A1CF: variants seen among roughly 807,000 people sequenced by gnomAD.
The protein encoded by A1CF is APOBEC-1 stimulating protein.
A1CF carries 48 observed loss-of-function variants against 68.9 expected under a neutral mutation model. The ratio of observed to expected loss-of-function variants is 0.70; its 90% confidence interval spans 0.55 to 0.89. A1CF has a LOEUF of 0.89. Among genes scored for constraint, A1CF ranks in the 40% least tolerant of loss-of-function variants. The pLI is 0.00. For synonymous variants in A1CF, 272 were observed against 260.4 expected, an observed-to-expected ratio of 1.04 and a Z score of -0.43; for missense variants, 653 against 718.9, an observed-to-expected ratio of 0.91 and a Z score of 1.05.
At chr10:50,850,538 T>G in intron 3 of A1CF, 1 of 1,289,202 alleles carries the variant, frequency 7.8e-7, no homozygotes, top group Non-Finnish European at 1.1e-6. Flanking sequence ...TTTTCAAAAT[T>G]ACAAAACAGA....
chr10:50,808,276 A>G (rs978960289), intron 12 of A1CF, among the ~76,000 whole-genome samples: 7 of 152,212 alleles, frequency 4.6e-5, no homozygotes, highest in Non-Finnish European at 8.8e-5. Context: ...AGAGGCTCTC[A>G]GATTCTTAGG....
At chr10:50,837,852 T>C (rs1839577294) in intron 5 of A1CF, among the ~76,000 whole-genome samples, 1 of 152,140 alleles carries the variant, frequency 6.6e-6, no homozygotes, top group Admixed American at 6.6e-5. Context: ...AAAAAAACAG[T>C]TCACAATTGG....
chr10:50,810,538 G>A (rs1253948651), intron 11 of A1CF, among the ~76,000 whole-genome samples: 3 of 152,186 alleles, frequency 2.0e-5, no homozygotes, highest in Admixed American at 6.5e-5. Flanking sequence ...TTGGAGTGCA[G>A]TGGTACAATC....
chr10:50,864,903 C>G (rs1840914670), intron 1 of A1CF, among the ~76,000 whole-genome samples: 1 of 152,108 alleles, frequency 6.6e-6, no homozygotes, highest in Non-Finnish European at 1.5e-5. Flanking sequence ...CAGGAGTGAG[C>G]CACCGTGCCT....
intron 3 of A1CF, among the ~76,000 whole-genome samples, chr10:50,849,509 G>A (rs1840138517): frequency 6.6e-6 from 1 of 152,156 alleles, no homozygotes; most frequent in Non-Finnish European, 1.5e-5. Flanking sequence ...TTGTGGAAAT[G>A]TAGATTAGAA....
intron 4 of A1CF, among the ~76,000 whole-genome samples, chr10:50,842,337 A>G (rs1839820321): frequency 6.6e-6 from 1 of 152,226 alleles, no homozygotes; most frequent in African/African-American, 2.4e-5. Context: ...TATCATAAGT[A>G]CAGTTTCTTA....
intron 5 of A1CF, 24 bp downstream of exon 5, chr10:50,841,838 T>C: frequency 6.2e-7 from 1 of 1,610,788 alleles, no homozygotes; most frequent in East Asian, 2.2e-5. Context: ...GTTTCACTTT[T>C]AATCTAGAAG....
At chr10:50,882,335 C>T (rs954092271) in intron 1 of A1CF, among the ~76,000 whole-genome samples, 6 of 152,044 alleles carry the variant, frequency 3.9e-5, no homozygotes, top group African/African-American at 1.4e-4. Flanking sequence ...ACTCGGGAGG[C>T]TGAGGCACAA....
At chr10:50,837,857 A>G (rs1263433738) in intron 5 of A1CF, among the ~76,000 whole-genome samples, 1 of 152,200 alleles carries the variant, frequency 6.6e-6, no homozygotes, top group African/African-American at 2.4e-5. Flanking sequence ...AACAGTTCAC[A>G]ATTGGCTGCT....
At chr10:50,854,862 AATTG>A (rs1840406098) in intron 3 of A1CF, among the ~76,000 whole-genome samples, 1 of 151,918 alleles carries the variant, frequency 6.6e-6, no homozygotes, top group African/African-American at 2.4e-5. Flanking sequence ...ACCTCAGAAA[AATTG>A]ATTGTGCTGT....
intron 6 of A1CF, 116 bp downstream of exon 6, chr10:50,835,958 A>G (rs913738507): frequency 1.0e-6 from 1 of 991,118 alleles, no homozygotes; most frequent in African/African-American, 1.6e-5. Context: ...AAGGATAAAA[A>G]ATTTAAAATA....
chr10:50,867,666 C>T (rs951287094), intron 1 of A1CF, among the ~76,000 whole-genome samples: 3 of 151,938 alleles, frequency 2.0e-5, no homozygotes, highest in African/African-American at 7.3e-5. Context: ...ACACTTGCAC[C>T]CTATAAGTTT....
rs1256741462 is a variant in A1CF at position 50,814,036 on chromosome 10, C to T, written c.1144G>A (p.Ala382Thr). The T allele has an allele frequency of 1.2e-6, 2 of 1,613,348 alleles. No individual in the cohort carries two copies. Among genetic ancestry groups the T allele is most frequent in the Non-Finnish European group, 1.7e-6 (2 of 1,179,752 alleles). ...AIIRAPSVRG[A>T]AGVRGLGGRG... ...CCGCCCAGTCCTCTCACTCCCGCAG[C>T]CCCTACAGGTACATTCATGTAAATT... Residue 382 changes from alanine to threonine, a missense_variant and splice_region_variant, in exon 10 of 13, where the codon GCT (alanine) becomes ACT (threonine). Coordinates refer to ENST00000373997, the MANE Select transcript of A1CF (RefSeq NM_014576.4).
rs552609434 is a variant in A1CF at position 50,814,189 on chromosome 10, A to C, written c.1142-151T>G. 5 of 750,410 alleles carry C rather than the reference A, an allele frequency of 6.7e-6. No homozygotes were observed. In the South Asian group the frequency reaches 7.8e-5, roughly 12 times the overall value. 46.5% of individuals were successfully genotyped at this position (750,410 alleles called of 1,614,324 possible). A position where few individuals can be genotyped will look rare whatever the true frequency, so the allele number is the denominator to read the frequency against. ...CTGAAGATGGGTGGGAGACTCTAGG[A>C]TTCTAATGTAATGAAACTCAACATA... On this transcript the variant is annotated intron_variant, in intron 9 of 12. Transcript: ENST00000373997.
Position 50,816,121 on chromosome 10 carries a change from A to G in A1CF, c.1026T>C (p.Leu342=), listed in dbSNP as rs1156791542. The change falls in exon 9 of 13, where the codon CTT becomes CTC. Residue 342 remains leucine, a synonymous_variant. Coordinates refer to ENST00000373997, the MANE Select transcript of A1CF (RefSeq NM_014576.4). ...GGGGGGCATAGAAGACAGGAGCTCC[A>G]AGGTAGGTTGTGGTGGGATCATAAA... ...GQVYDPTTTY[L]GAPVFYAPQT... is the part of the protein sequence containing the mutation. 30 of 1,613,700 alleles carry G rather than the reference A, an allele frequency of 1.9e-5. No homozygotes were observed. The highest frequency in any genetic ancestry group is 2.1e-5 in the Non-Finnish European group (25 of 1,179,882).
chr10:50,879,852 T>C (rs1465876936), intron 1 of A1CF, among the ~76,000 whole-genome samples: 1 of 152,110 alleles, frequency 6.6e-6, no homozygotes, highest in African/African-American at 2.4e-5. Flanking sequence ...CCTGTCAGTC[T>C]CTCCAAGTCA....
chr10:50,856,839 A>G (rs1353800842), intron 3 of A1CF, among the ~76,000 whole-genome samples: 1 of 152,092 alleles, frequency 6.6e-6, no homozygotes, highest in Non-Finnish European at 1.5e-5. Context: ...TCTGAATATC[A>G]TTTAATAGAT....
At chr10:50,854,133 A>AT (rs1840373960) in intron 3 of A1CF, among the ~76,000 whole-genome samples, 1 of 151,212 alleles carries the variant, frequency 6.6e-6, no homozygotes, top group South Asian at 2.1e-4. Context: ...ACCTTATGAG[A>AT]TTTTTTCCTT....
rs138540186 is a variant in A1CF, at chr10:50,811,112, A to G, written c.1388T>C (p.Ile463Thr). The part of the protein sequence containing the change: ...GQPVYQLHSA[I>T]GQDQRQLFLY... ...GAATAGCTGTCTTTGGTCTTGTCCAATAGCAGAGTGCAGCTGGTACACTGG... is the reference window on the plus strand; with the variant it reads ...GAATAGCTGTCTTTGGTCTTGTCCAGTAGCAGAGTGCAGCTGGTACACTGG... Residue 463 changes from isoleucine (I) to threonine (T), a missense_variant, in exon 11 of 13, where the codon ATT becomes ACT. Ile to Thr is a moderately conservative substitution (Grantham distance 89). Transcript: ENST00000373997. 1.0e-4 allele frequency: 161 copies of G among 1,613,518 alleles called. 2 individuals are homozygous for G. The highest frequency in any genetic ancestry group is 2.2e-4 in the Admixed American group (13 of 59,966).
Sources: gnomAD v4.1 joint callset for allele counts (sites outside exome capture counted in the v4.1 genomes callset) on GRCh38, gnomAD v4.1.1 for gene constraint, MANE v1.5 for transcripts, NCBI Gene and HGNC (gene_info 2026-07-23, HGNC 2026-07-21) for gene names.